The following ETS1 variants were observed in gnomAD, a reference collection of about 807,000 sequenced individuals.
The protein encoded by ETS1 is protein C-ets-1.
In ETS1, 15 loss-of-function variants were observed where a neutral mutation model predicts 58.6. The ratio of observed to expected loss-of-function variants is 0.26; its 90% CI spans 0.17 to 0.39. The LOEUF (loss-of-function observed/expected upper bound fraction) is 0.39. Among genes scored for constraint, ETS1 ranks in the 10% least tolerant of loss-of-function variants. The pLI is 1.00. For missense variants in ETS1, 417 were observed against 610.5 expected (o/e 0.68, Z 3.34); for synonymous variants, 214 against 218.2 (o/e 0.98, Z 0.17).
chr11:128,545,317 G>A (rs762152443), intron 3 of ETS1, among the ~76,000 whole-genome samples: 9 of 152,160 alleles, frequency 5.9e-5, no homozygotes, highest in Middle Eastern at 3.2e-3. Context: ...TTCTTATCCC[G>A]GAGGTGGGCA....
At chr11:128,585,168 GAGAAAGAAA>G (rs1565421870) in intron 1 of ETS1, among the ~76,000 whole-genome samples, 10 of 8,382 alleles carry the variant, frequency 1.2e-3, no homozygotes, top group African/African-American at 7.0e-3. Context: ...AAGAAAGAAA[GAGAAAGAAA>G]GAAAGAAAGA....
rs1410319376 is a variant in ETS1 at position 128,544,133 on chromosome 11, T to G, written c.214+12158A>C. 2.6e-5 allele frequency among the ~76,000 whole-genome samples: 4 copies of G among 152,050 alleles called. No homozygotes were observed. The East Asian group carries it at 7.7e-4, about 29-fold the overall frequency. The stretch of plus-strand genomic sequence containing the variant: ...CTAGCAATTAATGGTATGGTACTAT[T>G]AAAGCTGAGTATGTCCAAATTATGG... On this transcript the variant is annotated intron_variant, in intron 3 of 9. Coordinates refer to ENST00000392668, the MANE Select transcript of ETS1 (RefSeq NM_001143820.2).
intron 3 of ETS1, chr11:128,536,391 CAAAT>C (rs1863973006): frequency 6.6e-6 from 1 of 151,856 alleles, no homozygotes; most frequent in South Asian, 2.1e-4. Context: ...TAGTATTAAT[CAAAT>C]AAAAATATAA....
chr11:128,557,642 C>A (rs1864333289), intron 2 of ETS1, among the ~76,000 whole-genome samples: 1 of 152,162 alleles, frequency 6.6e-6, no homozygotes, highest in Admixed American at 6.5e-5. Flanking sequence ...TTCTAATCGA[C>A]ACTGGCCCAT....
At chr11:128,572,975 G>T in intron 2 of ETS1, 87 bp downstream of exon 2, 1 of 1,049,396 alleles carries the variant, frequency 9.5e-7, no homozygotes, top group Non-Finnish European at 1.4e-6. Flanking sequence ...TGGCTTCTCT[G>T]TCTACTGGGG....
chr11:128,476,036 G>C (rs2135432289), intron 8 of ETS1, among the ~76,000 whole-genome samples: 1 of 152,300 alleles, frequency 6.6e-6, no homozygotes, highest in East Asian at 1.9e-4. Context: ...TACAGTTAGT[G>C]AATGGCTTTG....
At chr11:128,564,760 T>C (rs573460130) in intron 2 of ETS1, among the ~76,000 whole-genome samples, 19 of 152,182 alleles carry the variant, frequency 1.2e-4, no homozygotes, top group Non-Finnish European at 1.5e-4. Flanking sequence ...AGCCCAGTGG[T>C]ACCATGGGTG....
rs1293616056 is a variant in ETS1, at chr11:128,585,307, GGGAGGGAA to G, written c.-15+2173_-15+2180del. 1.4e-3 allele frequency among the ~76,000 whole-genome samples: 181 copies of G among 125,636 alleles called. 3 individuals are homozygous for G. The highest frequency in any genetic ancestry group is 5.3e-3 in the African/African-American group (175 of 32,906). 82.4% of individuals were successfully genotyped at this position (125,636 alleles called of 152,430 possible). ...AAAAGAAAGATAGAAAGGGAGGGAA[GGGAGGGAA>G]GAAGGAAGGAAGGAAGCAAGGAAGG... On this transcript the variant is annotated intron_variant, in intron 1 of 9. Transcript: ENST00000392668.
Position 128,480,115 on chromosome 11 carries a change from G to A in ETS1, c.1123+76C>T. On this transcript the variant is annotated intron_variant, in intron 8 of 9. Transcript: ENST00000392668. ...AGTCTCTCGTCGTCTCTGGTCAGAG[G>A]TGCAGAGTGCCTTCCAGGACCCCAC... The A allele has an allele frequency of 2.5e-6, 4 of 1,574,214 alleles. No individual in the cohort carries two copies. In the South Asian group the frequency reaches 3.5e-5, roughly 14 times the overall value.
At chr11:128,480,791 C>T (rs7122859) in intron 7 of ETS1, among the ~76,000 whole-genome samples, 24,064 of 152,054 alleles carry the variant, frequency 0.16, 2,718 homozygotes, top group East Asian at 0.46. Context: ...CTGAGGATCA[C>T]ACATGTTATG....
chr11:128,552,613 A>G (rs1460155203), intron 3 of ETS1, among the ~76,000 whole-genome samples: 1 of 152,244 alleles, frequency 6.6e-6, no homozygotes, highest in Admixed American at 6.5e-5. Context: ...AACACTTTGG[A>G]AGAGTGCTAA....
chr11:128,542,939 G>A (rs545891801), intron 3 of ETS1, among the ~76,000 whole-genome samples: 15 of 152,232 alleles, frequency 9.9e-5, no homozygotes, highest in African/African-American at 3.1e-4. Context: ...TTGGGAGGCC[G>A]AGATGGGTGG....
At chr11:128,578,922 T>A (rs942091769) in intron 1 of ETS1, among the ~76,000 whole-genome samples, 2 of 152,192 alleles carry the variant, frequency 1.3e-5, no homozygotes, top group African/African-American at 4.8e-5. Context: ...ATTATAAAAA[T>A]TCCTAAAATA....
Position 128,553,459 on chromosome 11 carries a change from A to G in ETS1, c.214+2832T>C, listed in dbSNP as rs190972517. Among the ~76,000 whole-genome samples the G allele has an allele frequency of 6.3e-4, 90 of 143,532 alleles. 1 individual carries two copies. The highest frequency in any genetic ancestry group is 2.3e-3 in the African/African-American group (88 of 38,420). 94.2% of individuals were successfully genotyped at this position (143,532 alleles called of 152,430 possible). The stretch of plus-strand genomic sequence containing the variant: ...TTTTTCCCTTTCCCATTCATCTTTC[A>G]TCTTCCTTTCCCATTATTCCCTACC... On this transcript the variant is annotated intron_variant, in intron 3 of 9. Transcript: ENST00000392668.
chr11:128,487,558 G>A (rs889434845), intron 5 of ETS1, among the ~76,000 whole-genome samples: 1 of 152,124 alleles, frequency 6.6e-6, no homozygotes, highest in Non-Finnish European at 1.5e-5. Flanking sequence ...GGCCAACACG[G>A]TGAAGCCCTG....
intron 3 of ETS1, among the ~76,000 whole-genome samples, chr11:128,500,969 A>G (rs1863074170): frequency 6.6e-6 from 1 of 152,256 alleles, no homozygotes; most frequent in African/African-American, 2.4e-5. Flanking sequence ...TTATTTAAAA[A>G]TGATTAGACA....
intron 3 of ETS1, among the ~76,000 whole-genome samples, chr11:128,546,726 G>A (rs1392400836): frequency 6.6e-6 from 1 of 152,166 alleles, no homozygotes; most frequent in Non-Finnish European, 1.5e-5. Context: ...AGAGCCAAGT[G>A]TACATTGTTT....
intron 3 of ETS1, among the ~76,000 whole-genome samples, chr11:128,514,207 C>T (rs951983845): frequency 1.3e-5 from 2 of 151,742 alleles, no homozygotes; most frequent in African/African-American, 4.8e-5. Flanking sequence ...TAAACTGATA[C>T]AGAGGTTTTA....
Position 128,549,149 on chromosome 11 carries a change from C to T in ETS1, c.214+7142G>A, listed in dbSNP as rs923207358. Among the ~76,000 whole-genome samples, 9 of 152,210 alleles carry T rather than the reference C, an allele frequency of 5.9e-5. No individual in the cohort carries two copies. The highest frequency in any genetic ancestry group is 1.2e-4 in the African/African-American group (5 of 41,448). On this transcript the variant is annotated intron_variant, in intron 3 of 9. Transcript: ENST00000392668. The surrounding 1 kb of genome is among the most constrained non-coding windows in gnomAD (Gnocchi z 4.3). ...GGAGCTGGGTCTCCTGCCTCGGCAG[C>T]TATAAACACAGTGAACATCTGGAGA...
Sources: gnomAD v4.1 joint callset for allele counts (sites outside exome capture counted in the v4.1 genomes callset) on GRCh38, gnomAD v4.1.1 for gene constraint, Gnocchi (gnomAD v3.1) non-coding constraint, MANE v1.5 for transcripts, NCBI Gene and HGNC (gene_info 2026-07-23, HGNC 2026-07-21) for gene names.